The following NUDT2 variants were observed in gnomAD, a reference collection of about 807,000 sequenced individuals.
The protein encoded by NUDT2 is nudix hydrolase 2.
A neutral mutation model predicts 14.2 loss-of-function variants in NUDT2; 12 were observed. The observed-to-expected ratio is 0.84, with a 90% confidence interval of 0.54 to 1.37. The LOEUF (loss-of-function observed/expected upper bound fraction) is 1.37, where lower values mean the gene tolerates loss of function less well. Among genes scored for constraint, NUDT2 ranks in the 40% most tolerant of loss-of-function variants. The pLI is 0.00. For synonymous variants in NUDT2, 67 were observed against 67.4 expected (o/e 0.99, Z 0.03); for missense variants, 167 against 176.7 (o/e 0.95, Z 0.31).
chr9:34,341,315 G>A (rs994624897), intron 4 of NUDT2, among the ~76,000 whole-genome samples: 3 of 152,120 alleles, frequency 2.0e-5, no homozygotes, highest in African/African-American at 7.2e-5. Context: ...TGTGCTCAGG[G>A]ACTTCCATAC....
At position 34,334,954 on chromosome 9, in the gene NUDT2, C is replaced by T. The variant is rs527437486; in HGVS notation, c.-264-1275C>T. 1.2e-4 allele frequency among the ~76,000 whole-genome samples: 19 copies of T among 152,286 alleles called. 1 individual carries two copies. The highest frequency in any genetic ancestry group is 4.1e-4 in the African/African-American group (17 of 41,546). On this transcript the variant is annotated intron_variant, in intron 1 of 4. Coordinates refer to ENST00000379158, the MANE Select transcript of NUDT2 (RefSeq NM_001161.5). ...TGTGAAGGACAGAGCAGGGTCTGTA[C>T]GCTGTGAAGGACAGAGCAGGGTACC...
chr9:34,343,065 C>A, intron 4 of NUDT2, 59 bp from the exon 5 acceptor site: 1 of 1,483,288 alleles, frequency 6.7e-7, no homozygotes. Flanking sequence ...CTGGAAAATC[C>A]AGCTTTGGGA....
At chr9:34,331,673 A>T (rs1250275103) in intron 1 of NUDT2, among the ~76,000 whole-genome samples, 1 of 152,216 alleles carries the variant, frequency 6.6e-6, no homozygotes, top group Non-Finnish European at 1.5e-5. Flanking sequence ...GAGGAGAAAA[A>T]AATTGTTTTA....
At position 34,343,331 on chromosome 9, in the gene NUDT2, A is replaced by G; in HGVS notation, c.335A>G (p.Gln112Arg). The change falls in exon 5 of 5, where the codon CAA becomes CGA. Residue 112 changes from glutamine to arginine, a missense_variant. Physicochemically the swap from Gln to Arg is conservative, Grantham distance 43. Transcript: ENST00000379158. ...GAGATCCGCCTCTCCCATGAGCACC[A>G]AGCCTACCGCTGGCTGGGGCTGGAG... ...DVEIRLSHEHQAYRWLGLEEA... is the reference protein window; with the variant it reads ...DVEIRLSHEHRAYRWLGLEEA... 1 of 1,613,778 alleles carries G rather than the reference A, an allele frequency of 6.2e-7. No individual in the cohort carries two copies. Among genetic ancestry groups the G allele is most frequent in the Admixed American group, 1.7e-5 (1 of 59,990 alleles).
chr9:34,337,052 T>G (rs915203952), intron 2 of NUDT2, among the ~76,000 whole-genome samples: 1 of 143,886 alleles, frequency 6.9e-6, no homozygotes, highest in Non-Finnish European at 1.5e-5. Flanking sequence ...CAGGCTGGAA[T>G]TCAGTGGCCC....
chr9:34,338,962 C>G (rs1469566312), intron 3 of NUDT2, 62 bp from the exon 4 acceptor site: 2 of 1,423,406 alleles, frequency 1.4e-6, no homozygotes, highest in Non-Finnish European at 1.9e-6. Context: ...AGATTGCTAC[C>G]CCCCAGTATG....
chr9:34,342,329 G>A (rs1820211396), intron 4 of NUDT2, among the ~76,000 whole-genome samples: 1 of 152,122 alleles, frequency 6.6e-6, no homozygotes, highest in Non-Finnish European at 1.5e-5. Flanking sequence ...GGAATGTCAG[G>A]GTCCACCTGC....
At chr9:34,338,350 A>T (rs1442698138) in intron 2 of NUDT2, among the ~76,000 whole-genome samples, 1 of 128,600 alleles carries the variant, frequency 7.8e-6, no homozygotes, top group Non-Finnish European at 1.8e-5. Context: ...AAAAAAAAAA[A>T]AAAAAAATTG....
At chr9:34,341,461 T>C (rs553659022) in intron 4 of NUDT2, among the ~76,000 whole-genome samples, 134 of 152,294 alleles carry the variant, frequency 8.8e-4, no homozygotes, top group African/African-American at 3.0e-3. Flanking sequence ...CAGAGAAAAT[T>C]CCCCAGAAGC....
At chr9:34,334,463 T>A (rs374359411) in intron 1 of NUDT2, among the ~76,000 whole-genome samples, 22 of 152,308 alleles carry the variant, frequency 1.4e-4, no homozygotes, top group East Asian at 1.3e-3. Context: ...GAGGTTTGAA[T>A]CCACTTGGAG....
At position 34,343,524 on chromosome 9, in the gene NUDT2, G is replaced by A. The variant is rs1820251015; in HGVS notation, c.*84G>A. The stretch of plus-strand genomic sequence containing the variant: ...GCCACCCTCAGGTCCAGGGAAGGTT[G>A]TGCTGGTATTTGGCTCATGACAGCC... On this transcript the variant is annotated 3_prime_UTR_variant, in exon 5 of 5. Transcript: ENST00000379158. 25 of 1,285,720 alleles carry A rather than the reference G, an allele frequency of 1.9e-5. No homozygotes were observed. The highest frequency in any genetic ancestry group is 2.3e-5 in the Non-Finnish European group (22 of 954,282). 79.6% of individuals were successfully genotyped at this position (1,285,720 alleles called of 1,614,324 possible). A position where few individuals can be genotyped will look rare whatever the true frequency, so the allele number is the denominator to read the frequency against.
At chr9:34,332,327 C>G (rs1204262851) in intron 1 of NUDT2, among the ~76,000 whole-genome samples, 1 of 152,188 alleles carries the variant, frequency 6.6e-6, no homozygotes, top group Non-Finnish European at 1.5e-5. Flanking sequence ...TATGGGGTAC[C>G]TTGTTAACCT....
intron 3 of NUDT2, 39 bp downstream of exon 3, chr9:34,338,886 G>A (rs1048204326): frequency 3.0e-6 from 2 of 661,248 alleles, no homozygotes; most frequent in African/African-American, 3.6e-5. Context: ...ATTGGTCCTG[G>A]GCATGCTGCC....
intron 4 of NUDT2, among the ~76,000 whole-genome samples, chr9:34,340,057 C>T (rs556597015): frequency 6.6e-6 from 1 of 152,144 alleles, no homozygotes; most frequent in Non-Finnish European, 1.5e-5. Context: ...GCTTCAGCCT[C>T]CTGAGTAGCT....
Position 34,338,846 on chromosome 9 carries a change from A to C in NUDT2, c.-18A>C, listed in dbSNP as rs945161912. 11 of 489,864 alleles carry C rather than the reference A, an allele frequency of 2.2e-5. No homozygotes were observed. In the East Asian group the frequency reaches 3.2e-4, roughly 14 times the overall value. 30.3% of individuals were successfully genotyped at this position (489,864 alleles called of 1,614,324 possible). On this transcript the variant is annotated splice_region_variant and 5_prime_UTR_variant, in exon 3 of 5. Coordinates refer to ENST00000379158, the MANE Select transcript of NUDT2 (RefSeq NM_001161.5). The stretch of plus-strand genomic sequence containing the variant: ...GCCAGGGTCCTGCAGTTATACACAA[A>C]GGTCAGTCTCTGATTCCTGGATGCC...
At chr9:34,332,024 C>G (rs1333077506) in intron 1 of NUDT2, among the ~76,000 whole-genome samples, 3 of 152,194 alleles carry the variant, frequency 2.0e-5, no homozygotes, top group African/African-American at 4.8e-5. Flanking sequence ...CATTTGTTAA[C>G]TGGTCTGTTG....
rs1383116383 is a variant in NUDT2, at chr9:34,343,278, G to A, written c.282G>A (p.Trp94Ter). Residue 94 changes from tryptophan (W) to a stop codon, truncating the protein, a stop_gained, in exon 5 of 5, where the codon TGG (tryptophan) becomes TGA (stop). Coordinates refer to ENST00000379158, the MANE Select transcript of NUDT2 (RefSeq NM_001161.5). LOFTEE classifies it high-confidence loss of function. ...ARNKPKTVIY[W>*]LAEVKDYDVE... is the part of the protein sequence containing the mutation. ...ACAAGCCTAAAACAGTCATTTACTGGCTGGCGGAGGTGAAGGACTATGACG... is the reference window on the plus strand; with the variant it reads ...ACAAGCCTAAAACAGTCATTTACTGACTGGCGGAGGTGAAGGACTATGACG... 32 of 1,611,960 alleles carry A rather than the reference G, an allele frequency of 2.0e-5. No individual in the cohort carries two copies. The highest frequency in any genetic ancestry group is 2.7e-5 in the Non-Finnish European group (32 of 1,179,520).
intron 4 of NUDT2, among the ~76,000 whole-genome samples, chr9:34,341,844 G>T (rs961349302): frequency 1.2e-4 from 18 of 152,126 alleles, no homozygotes; most frequent in Non-Finnish European, 1.6e-4. Flanking sequence ...CTGGCTCTGG[G>T]CATTGTAGAC....
intron 4 of NUDT2, among the ~76,000 whole-genome samples, chr9:34,342,618 G>A (rs1820219661): frequency 6.6e-6 from 1 of 152,122 alleles, no homozygotes; most frequent in African/African-American, 2.4e-5. Context: ...ATGGAAAGGT[G>A]GGATTGCTCA....
Sources: allele counts gnomAD v4.1 joint callset (sites outside exome capture counted in the v4.1 genomes callset), GRCh38; gene constraint gnomAD v4.1.1; transcripts MANE v1.5; gene names NCBI Gene and HGNC (gene_info 2026-07-23, HGNC 2026-07-21).